The following SYTL3 variants were observed in gnomAD, a reference collection of about 807,000 sequenced individuals.
The protein encoded by SYTL3 is synaptotagmin-like protein 3.
SYTL3 carries 88 observed loss-of-function variants against 82.1 expected under a neutral mutation model. That is an observed-to-expected ratio of 1.07 (90% CI 0.90 to 1.28). The LOEUF is 1.28. Among genes scored for constraint, SYTL3 ranks in the 50% most tolerant of loss-of-function variants. The pLI is 0.00. For synonymous variants in SYTL3, 311 were observed against 289.4 expected (o/e 1.07, Z -0.76); for missense variants, 831 against 757.6 (o/e 1.10, Z -1.14).
intron 2 of SYTL3, among the ~76,000 whole-genome samples, 167 bp downstream of exon 2, chr6:158,652,009 C>A (rs1263260935): frequency 1.3e-5 from 2 of 149,202 alleles, no homozygotes; most frequent in African/African-American, 5.0e-5. Context: ...TTCACTGCAA[C>A]CCCTGCCTCC....
Position 158,739,602 on chromosome 6 carries a change from C to T in SYTL3, c.856-5878C>T, listed in dbSNP as rs146013403. On this transcript the variant is annotated intron_variant, in intron 11 of 17. Transcript: ENST00000611299. The stretch of plus-strand genomic sequence containing the variant: ...TCTCTCTGTCTCTTTCTCTCCCTCT[C>T]CCATCTTTCTGAGATGGGGGTCTCA... Among the ~76,000 whole-genome samples, 177 of 152,160 alleles carry T rather than the reference C, an allele frequency of 1.2e-3. 1 individual carries two copies. The highest frequency in any genetic ancestry group is 3.9e-3 in the African/African-American group (162 of 41,516).
chr6:158,740,581 C>T (rs568069896), intron 11 of SYTL3, among the ~76,000 whole-genome samples: 85 of 152,274 alleles, frequency 5.6e-4, no homozygotes, highest in African/African-American at 1.9e-3. Flanking sequence ...ACTCAGGACT[C>T]GCCTGGTTTT....
At chr6:158,650,699 T>A (rs138868469) in intron 1 of SYTL3, among the ~76,000 whole-genome samples, 2,155 of 152,050 alleles carry the variant, frequency 0.014, 41 homozygotes, top group African/African-American at 0.049. Flanking sequence ...TCCCAGTACT[T>A]TGGGAGGCCA....
upstream of SYTL3, among the ~76,000 whole-genome samples, chr6:158,645,112 C>G (rs1255872179): frequency 6.6e-6 from 1 of 152,216 alleles, no homozygotes; most frequent in Non-Finnish European, 1.5e-5. Context: ...TGGCAACAAA[C>G]TCGAAAGTGA....
At position 158,663,328 on chromosome 6, in the gene SYTL3, G is replaced by A. The variant is rs762033124; in HGVS notation, c.60G>A (p.Gln20=). Residue 20 remains glutamine, a synonymous_variant, in exon 4 of 18, where the codon CAG becomes CAA. Transcript: ENST00000611299. ...AGTTAGAACGCGAGGCCATTCTCCA[G>A]GTCCTGTACCGAGACCAGGCGGTTC... ...LKELEREAIL[Q]VLYRDQAVQN... is the part of the protein sequence containing the mutation. 6.2e-7 allele frequency: 1 copy of A among 1,614,118 alleles called. No homozygotes were observed.
rs371446841 is a variant in SYTL3, at chr6:158,712,907, C to T, written c.517-893C>T. On this transcript the variant is annotated intron_variant, in intron 8 of 17. Transcript: ENST00000611299. ...CCAAGTAGCTGGGATTACAGGTGCC[C>T]GCCACCTTGCCCAGCTAATTTTTTT... Among the ~76,000 whole-genome samples the T allele has an allele frequency of 4.6e-4, 70 of 151,966 alleles. 1 individual carries two copies. In the East Asian group the frequency reaches 6.2e-3, roughly 13 times the overall value.
At chr6:158,751,811 T>C in intron 12 of SYTL3, 117 bp from the exon 13 acceptor site, 1 of 737,644 alleles carries the variant, frequency 1.4e-6, no homozygotes, top group Middle Eastern at 2.7e-4. Context: ...ACCCAAAAAT[T>C]CCAGCAGGAA....
intron 5 of SYTL3, among the ~76,000 whole-genome samples, chr6:158,671,977 T>C (rs1777432214): frequency 6.6e-6 from 1 of 152,098 alleles, no homozygotes; most frequent in South Asian, 2.1e-4. Context: ...GTTCTTTATT[T>C]TGATTCATTT....
rs150502133 is a variant in SYTL3, at chr6:158,654,997, C to T, written c.-637+3155C>T. 4.4e-3 allele frequency among the ~76,000 whole-genome samples: 672 copies of T among 152,204 alleles called. 4 individuals carry two copies. Among genetic ancestry groups the T allele is most frequent in the African/African-American group, 0.015 (641 of 41,510 alleles). On this transcript the variant is annotated intron_variant, in intron 2 of 17. Coordinates refer to ENST00000611299, the MANE Select transcript of SYTL3 (RefSeq NM_001242394.2). ...GAGTTAGGAGACTGGATCTAAGCTCCGAGCAGGTGAGGACGGTGCCTGACT... is the reference window on the plus strand; with the variant it reads ...GAGTTAGGAGACTGGATCTAAGCTCTGAGCAGGTGAGGACGGTGCCTGACT...
intron 6 of SYTL3, 65 bp downstream of exon 6, chr6:158,683,054 T>G: frequency 7.9e-7 from 1 of 1,261,516 alleles, no homozygotes. Context: ...ATATTTGATG[T>G]TAAGACTTTG....
chr6:158,677,686 C>T (rs1326826569), intron 5 of SYTL3, among the ~76,000 whole-genome samples: 1 of 54,674 alleles, frequency 1.8e-5, no homozygotes, highest in Admixed American at 2.9e-4. Context: ...GCCTGGGTGA[C>T]AAGAATGAAA....
chr6:158,678,165 C>A (rs938308690), intron 5 of SYTL3, among the ~76,000 whole-genome samples: 1 of 152,168 alleles, frequency 6.6e-6, no homozygotes, highest in African/African-American at 2.4e-5. Flanking sequence ...GCGTGTCCCA[C>A]CAATGCGACT....
intron 5 of SYTL3, among the ~76,000 whole-genome samples, chr6:158,682,417 T>G (rs1477490267): frequency 7.2e-6 from 1 of 139,304 alleles, no homozygotes; most frequent in East Asian, 2.1e-4. Context: ...TGGAGTGCAG[T>G]GGCGAAATCT....
At position 158,751,975 on chromosome 6, in the gene SYTL3, G is replaced by T. The variant is rs748080295; in HGVS notation, c.1082G>T (p.Arg361Leu). Residue 361 changes from arginine (R) to leucine (L), a missense_variant, in exon 13 of 18, where the codon CGC (arginine) becomes CTC (leucine). Transcript: ENST00000611299. ...LLPDRSSQGKRKTGVQRNTVD... is the reference protein window; with the variant it reads ...LLPDRSSQGKLKTGVQRNTVD... ...CCCGACAGATCCTCCCAGGGAAAGCGCAAGACTGGAGTCCAAAGGAACACC... is the reference window on the plus strand; with the variant it reads ...CCCGACAGATCCTCCCAGGGAAAGCTCAAGACTGGAGTCCAAAGGAACACC... The T allele has an allele frequency of 6.2e-7, 1 of 1,602,330 alleles. No homozygotes were observed. The highest frequency in any genetic ancestry group is 2.3e-5 in the East Asian group (1 of 43,822).
intron 13 of SYTL3, among the ~76,000 whole-genome samples, chr6:158,756,569 G>A (rs1562467582): frequency 6.6e-6 from 1 of 151,972 alleles, no homozygotes; most frequent in African/African-American, 2.4e-5. Flanking sequence ...AAAACAAGCC[G>A]GGCGTGGTGT....
intron 15 of SYTL3, among the ~76,000 whole-genome samples, chr6:158,761,482 T>C (rs141465661): frequency 2.6e-5 from 4 of 151,864 alleles, no homozygotes; most frequent in African/African-American, 4.8e-5. Context: ...TTTTGTTTTT[T>C]TTCTTTAAGT....
In SYTL3 at chr6:158,758,458, C is replaced by T. The variant is rs370382596; in HGVS notation, c.1308+1077C>T. 6.0e-5 allele frequency among the ~76,000 whole-genome samples: 9 copies of T among 151,182 alleles called. No homozygotes were observed. In the East Asian group the frequency reaches 1.6e-3, roughly 26 times the overall value. Reference sequence around the variant, plus strand: ...TCTCAAAAAAAAAAAAAAAACCCAGCGGGATGGACTACTCCCCTCAGCCAA... The same window carrying T: ...TCTCAAAAAAAAAAAAAAAACCCAGTGGGATGGACTACTCCCCTCAGCCAA... On this transcript the variant is annotated intron_variant, in intron 14 of 17. Coordinates refer to ENST00000611299, the MANE Select transcript of SYTL3 (RefSeq NM_001242394.2).
intron 11 of SYTL3, chr6:158,726,130 A>G (rs1035070138): frequency 1.2e-5 from 5 of 420,938 alleles, no homozygotes; most frequent in Non-Finnish European, 2.3e-5. Flanking sequence ...TCAGTTGAAG[A>G]TGTTTTCTGT....
chr6:158,667,453 G>A (rs764455485), intron 5 of SYTL3, among the ~76,000 whole-genome samples: 5 of 152,242 alleles, frequency 3.3e-5, no homozygotes, highest in South Asian at 2.1e-4. Context: ...CTTTCCCCTC[G>A]CCTTGCTCCC....
Sources: gnomAD v4.1 joint callset for allele counts (sites outside exome capture counted in the v4.1 genomes callset) on GRCh38, gnomAD v4.1.1 for gene constraint, MANE v1.5 for transcripts, NCBI Gene and HGNC (gene_info 2026-07-23, HGNC 2026-07-21) for gene names.